The following WDR19 variants were observed in gnomAD, a reference collection of about 807,000 sequenced individuals.
WDR19 encodes WD repeat domain 19.
In WDR19, 121 loss-of-function variants were observed where a neutral mutation model predicts 180.0. That is an observed-to-expected ratio of 0.67 (90% confidence interval 0.58 to 0.78). The LOEUF (loss-of-function observed/expected upper bound fraction) is 0.78. WDR19 is among the 30% of genes least tolerant of loss of function. WDR19 has a pLI of 0.00. For missense variants in WDR19, 1,450 were observed against 1,640.7 expected (o/e 0.88, Z 2.01); for synonymous variants, 497 against 540.7 (o/e 0.92, Z 1.12).
At chr4:39,282,880 T>C (rs948596438) in intron 36 of WDR19, among the ~76,000 whole-genome samples, 13 of 152,186 alleles carry the variant, frequency 8.5e-5, no homozygotes, top group Non-Finnish European at 1.8e-4. Flanking sequence ...AATTGACTTA[T>C]GTCTAGTAGT....
At chr4:39,243,999 A>C (rs1414940664) in intron 21 of WDR19, among the ~76,000 whole-genome samples, 1 of 152,142 alleles carries the variant, frequency 6.6e-6, no homozygotes. Context: ...CATATGAGGG[A>C]TAGTAAAAAT....
chr4:39,269,415 C>T (rs1735121512), intron 30 of WDR19, among the ~76,000 whole-genome samples: 1 of 152,142 alleles, frequency 6.6e-6, no homozygotes, highest in South Asian at 2.1e-4. Context: ...AATTGGGAGA[C>T]TGAGAGTTAT....
intron 35 of WDR19, 79 bp downstream of exon 35, chr4:39,278,286 C>A: frequency 7.3e-7 from 1 of 1,362,236 alleles, no homozygotes; most frequent in Non-Finnish European, 1.0e-6. Flanking sequence ...TCTTCCGAAG[C>A]ATTCTTCTAT....
rs1335821554 is a variant in WDR19 at position 39,236,757 on chromosome 4, GAATAGGAGTCACA to G, written c.2363+1886_2363+1898del. Among the ~76,000 whole-genome samples, 3 of 152,278 alleles carry G rather than the reference GAATAGGAGTCACA, an allele frequency of 2.0e-5. No homozygotes were observed. The East Asian group carries it at 5.8e-4, about 29-fold the overall frequency. ...TGAGTAATAGTCCTTTATGATGCAT[GAATAGGAGTCACA>G]AATCTCTCTTGCCTTTGGAAATTCC... On this transcript the variant is annotated intron_variant, in intron 20 of 36. Coordinates refer to ENST00000399820, the MANE Select transcript of WDR19 (RefSeq NM_025132.4).
intron 3 of WDR19, among the ~76,000 whole-genome samples, chr4:39,188,455 CTG>C (rs1415250311): frequency 6.6e-6 from 1 of 151,706 alleles, no homozygotes; most frequent in Non-Finnish European, 1.5e-5. Flanking sequence ...GGGCTCACAC[CTG>C]TAATCCCAGT....
intron 21 of WDR19, among the ~76,000 whole-genome samples, chr4:39,240,726 C>T (rs532148894): frequency 2.0e-5 from 3 of 151,682 alleles, no homozygotes; most frequent in East Asian, 3.9e-4. Flanking sequence ...CCAAGGTGGG[C>T]GGATCACAAG....
chr4:39,252,209 G>A (rs1733280343), intron 24 of WDR19, among the ~76,000 whole-genome samples: 1 of 151,632 alleles, frequency 6.6e-6, no homozygotes, highest in African/African-American at 2.4e-5. Context: ...TCCTTTGTAG[G>A]GACATGGATG....
At position 39,244,250 on chromosome 4, in the gene WDR19, A is replaced by C. The variant is rs1466177980; in HGVS notation, c.2424A>C (p.Glu808Asp). 2 of 1,610,290 alleles carry C rather than the reference A, an allele frequency of 1.2e-6. No homozygotes were observed. The highest frequency in any genetic ancestry group is 2.2e-5 in the South Asian group (2 of 90,946). Reference protein sequence around the residue: ...YEKGITGDNKEHDEACLAGVA... With the variant: ...YEKGITGDNKDHDEACLAGVA... The stretch of plus-strand genomic sequence containing the variant: ...TAGTGTTTGCCTTGTGATTGCAGGA[A>C]CATGATGAAGCTTGTCTGGCTGGAG... Residue 808 changes from glutamate to aspartate, a missense_variant and splice_region_variant, in exon 22 of 37, where the codon GAA becomes GAC. Glu to Asp is a conservative substitution (Grantham distance 45). Transcript: ENST00000399820.
intron 9 of WDR19, among the ~76,000 whole-genome samples, chr4:39,211,353 A>G (rs1448859962): frequency 6.6e-6 from 1 of 152,224 alleles, no homozygotes. Flanking sequence ...ATAGGCAAGA[A>G]AAAGAAATAC....
Position 39,203,703 on chromosome 4 carries a change from C to T in WDR19, c.584C>T (p.Thr195Ile). 2 of 1,612,350 alleles carry T rather than the reference C, an allele frequency of 1.2e-6. No individual in the cohort carries two copies. The highest frequency in any genetic ancestry group is 1.7e-6 in the Non-Finnish European group (2 of 1,179,240). The change falls in exon 7 of 37, where the codon ACC becomes ATC. Residue 195 changes from threonine (T) to isoleucine (I), a missense_variant. By Grantham distance (89) the Thr-to-Ile change is moderately conservative. Transcript: ENST00000399820. Reference protein sequence around the residue: ...QFFLMKMDDRTSAAESMISVV... With the variant: ...QFFLMKMDDRISAAESMISVV... ...TTCTTGATGAAGATGGATGACCGAA[C>T]CTCTGCTGCTGAAAGCATGGTAAGA... is the stretch of plus-strand genomic sequence containing the variant.
intron 9 of WDR19, among the ~76,000 whole-genome samples, chr4:39,211,417 A>G (rs1023050048): frequency 6.6e-6 from 1 of 152,304 alleles, no homozygotes; most frequent in East Asian, 1.9e-4. Context: ...TGCAGATGTC[A>G]TGATCATCTT....
chr4:39,210,527 T>C (rs530651427), intron 9 of WDR19, among the ~76,000 whole-genome samples: 1 of 150,258 alleles, frequency 6.7e-6, no homozygotes, highest in Non-Finnish European at 1.5e-5. Context: ...TAAAACAAAA[T>C]AGCCAGGCAT....
chr4:39,249,298 A>G (rs1732877490), intron 24 of WDR19, among the ~76,000 whole-genome samples: 1 of 152,212 alleles, frequency 6.6e-6, no homozygotes, highest in Non-Finnish European at 1.5e-5. Flanking sequence ...GAAACCAACG[A>G]GAACAAAGAC....
At chr4:39,223,881 C>CA (rs1378415813) in intron 14 of WDR19, among the ~76,000 whole-genome samples, 4 of 152,042 alleles carry the variant, frequency 2.6e-5, no homozygotes, top group Non-Finnish European at 5.9e-5. Flanking sequence ...TGTCTATCTA[C>CA]AAAAAAATCT....
intron 5 of WDR19, among the ~76,000 whole-genome samples, chr4:39,195,395 C>CAA (rs11392579): frequency 3.8e-4 from 53 of 139,264 alleles, no homozygotes; most frequent in South Asian, 2.0e-3. Flanking sequence ...AACAAACAAA[C>CAA]AAAAAAAAAC....
chr4:39,285,329 C>T (rs11096990), intron 36 of WDR19, among the ~76,000 whole-genome samples, 158 bp from the exon 37 acceptor site: 45,485 of 152,020 alleles, frequency 0.3, 6,937 homozygotes, highest in Non-Finnish European at 0.32. Flanking sequence ...AAACTTGATG[C>T]GGATTACAGT....
rs777737446 is a variant in WDR19 at position 39,228,564 on chromosome 4, C to T, written c.1856C>T (p.Thr619Ile). ...KPLLLYNGEL[T>I]CQTQSGKVNN... Reference sequence around the variant, plus strand: ...TTGCTGCTATATAATGGAGAGCTGACCTGCCAAACACAGAGTGGAAAAGTA... The same window carrying T: ...TTGCTGCTATATAATGGAGAGCTGATCTGCCAAACACAGAGTGGAAAAGTA... Residue 619 changes from threonine to isoleucine, a missense_variant, in exon 17 of 37, where the codon ACC (threonine) becomes ATC (isoleucine). Physicochemically the swap from Thr to Ile is moderately conservative, Grantham distance 89. Coordinates refer to ENST00000399820, the MANE Select transcript of WDR19 (RefSeq NM_025132.4). 6.2e-7 allele frequency: 1 copy of T among 1,613,898 alleles called. No homozygotes were observed. Among genetic ancestry groups the T allele is most frequent in the Non-Finnish European group, 8.5e-7 (1 of 1,179,842 alleles).
chr4:39,271,158 A>G (rs1184696977), intron 31 of WDR19, among the ~76,000 whole-genome samples: 1 of 152,202 alleles, frequency 6.6e-6, no homozygotes, highest in East Asian at 1.9e-4. Flanking sequence ...CGGCCTCCCA[A>G]AGTGCTGGGA....
At chr4:39,220,475 C>T (rs1445206255) in intron 14 of WDR19, among the ~76,000 whole-genome samples, 4 of 148,600 alleles carry the variant, frequency 2.7e-5, no homozygotes, top group Admixed American at 6.7e-5. Flanking sequence ...GCCACCATGT[C>T]GTGCTAATTT....
Sources: gnomAD v4.1 joint callset for allele counts (sites outside exome capture counted in the v4.1 genomes callset) on GRCh38, gnomAD v4.1.1 for gene constraint, MANE v1.5 for transcripts, NCBI Gene and HGNC (gene_info 2026-07-23, HGNC 2026-07-21) for gene names.